Variants in C1orf146 observed in about 807,000 individuals in gnomAD.
The protein encoded by C1orf146 is chromosome 1 open reading frame 146, also known as protein SPO16 homolog.
Under a neutral mutation model 23.0 loss-of-function variants are expected in C1orf146, and 22 were observed. The observed-to-expected ratio is 0.96, with a 90% CI of 0.68 to 1.36. The LOEUF (loss-of-function observed/expected upper bound fraction) is 1.36. C1orf146 is among the 40% of genes most tolerant of loss of function. The pLI, the probability that C1orf146 is intolerant of heterozygous loss-of-function variation, is 0.00. For synonymous variants in C1orf146, 59 were observed against 65.3 expected (o/e 0.90, Z 0.47); for missense variants, 199 against 206.8 (o/e 0.96, Z 0.23).
chr1:92,234,980 T>C (rs1326996387), intron 2 of C1orf146, among the ~76,000 whole-genome samples: 1 of 152,214 alleles, frequency 6.6e-6, no homozygotes, highest in Non-Finnish European at 1.5e-5. Flanking sequence ...TTTTTTATTG[T>C]GTCTATTTGA....
intron 5 of C1orf146, 39 bp downstream of exon 5, chr1:92,244,896 T>C (rs767740379): frequency 4.4e-5 from 50 of 1,136,914 alleles, no homozygotes; most frequent in Non-Finnish European, 5.7e-5. Context: ...CACACATACA[T>C]TTTAAGGTTT....
At chr1:92,222,130 A>G (rs1000344774) in intron 1 of C1orf146, among the ~76,000 whole-genome samples, 2 of 152,140 alleles carry the variant, frequency 1.3e-5, no homozygotes, top group African/African-American at 4.8e-5. Flanking sequence ...GGTCCCAGCT[A>G]CTTGGGAGGC....
At chr1:92,231,943 C>G (rs1652132671) in intron 2 of C1orf146, among the ~76,000 whole-genome samples, 1 of 152,060 alleles carries the variant, frequency 6.6e-6, no homozygotes, top group Non-Finnish European at 1.5e-5. Flanking sequence ...GTTTTAAACT[C>G]CTCAGCTCAC....
chr1:92,241,624 G>C (rs1344622391), intron 2 of C1orf146, among the ~76,000 whole-genome samples: 1 of 152,148 alleles, frequency 6.6e-6, no homozygotes, highest in Non-Finnish European at 1.5e-5. Context: ...AAGTAGCTGG[G>C]ACTACAGGCA....
At chr1:92,223,395 C>T (rs1449909568) in intron 1 of C1orf146, among the ~76,000 whole-genome samples, 1 of 152,022 alleles carries the variant, frequency 6.6e-6, no homozygotes, top group Non-Finnish European at 1.5e-5. Flanking sequence ...TTTGCATTTC[C>T]CTAATAATAA....
At chr1:92,224,011 A>ATTTT (rs1275295349) in intron 1 of C1orf146, among the ~76,000 whole-genome samples, 16 of 138,266 alleles carry the variant, frequency 1.2e-4, no homozygotes, top group East Asian at 4.1e-4. Context: ...TTGTTGTTTT[A>ATTTT]TTTTATTTAT....
At chr1:92,226,399 G>A (rs944412110) in intron 1 of C1orf146, among the ~76,000 whole-genome samples, 2 of 146,218 alleles carry the variant, frequency 1.4e-5, no homozygotes, top group Admixed American at 6.8e-5. Flanking sequence ...ATGCACGCAT[G>A]CACACACACA....
intron 2 of C1orf146, among the ~76,000 whole-genome samples, chr1:92,241,806 C>T (rs1014554199): frequency 1.3e-5 from 2 of 152,078 alleles, no homozygotes; most frequent in Non-Finnish European, 2.9e-5. Flanking sequence ...GGTGTGGTGA[C>T]GTACACCTAT....
intron 1 of C1orf146, among the ~76,000 whole-genome samples, chr1:92,218,351 C>T (rs1651729444): frequency 6.6e-6 from 1 of 152,008 alleles, no homozygotes; most frequent in Admixed American, 6.5e-5. Flanking sequence ...CCGTGAAGAT[C>T]CTTGTAGGCC....
intron 2 of C1orf146, among the ~76,000 whole-genome samples, chr1:92,237,506 G>T (rs1298688724): frequency 2.0e-5 from 3 of 152,220 alleles, no homozygotes; most frequent in Non-Finnish European, 1.5e-5. Context: ...TGAGGTGTCA[G>T]TCTGCCCCTA....
chr1:92,236,279 T>C (rs1255200086), intron 2 of C1orf146, among the ~76,000 whole-genome samples: 4 of 152,154 alleles, frequency 2.6e-5, no homozygotes, highest in Admixed American at 6.5e-5. Flanking sequence ...GTGCTTCCTT[T>C]GGGAGCTCTT....
intron 2 of C1orf146, chr1:92,240,842 A>G (rs1382864259): frequency 1.6e-5 from 7 of 440,816 alleles, no homozygotes; most frequent in Non-Finnish European, 2.8e-5. Context: ...ATTTTAACCT[A>G]TCAGGAAAAA....
intron 1 of C1orf146, among the ~76,000 whole-genome samples, chr1:92,218,780 T>C (rs534338587): frequency 6.6e-6 from 1 of 152,244 alleles, no homozygotes; most frequent in African/African-American, 2.4e-5. Flanking sequence ...TAGAAGCTTT[T>C]TGTTTTCAGG....
chr1:92,240,408 G>A (rs563048283), intron 2 of C1orf146, among the ~76,000 whole-genome samples: 4 of 152,222 alleles, frequency 2.6e-5, no homozygotes, highest in South Asian at 2.1e-4. Flanking sequence ...TTCAGCAGGC[G>A]GGTTGGCCTA....
rs771885506 is a variant in C1orf146 at position 92,245,608 on chromosome 1, G to C, written c.477G>C (p.Glu159Asp). The C allele has an allele frequency of 6.2e-7, 1 of 1,600,560 alleles. No homozygotes were observed. Among genetic ancestry groups the C allele is most frequent in the Admixed American group, 1.8e-5 (1 of 56,524 alleles). The part of the protein sequence containing the change: ...RMITAKAYII[E>D]QSPVWKTLQK... Reference sequence around the variant, plus strand: ...TAACAGCTAAAGCTTACATCATTGAGCAAAGTCCTGTTTGGAAAACACTTC... The same window carrying C: ...TAACAGCTAAAGCTTACATCATTGACCAAAGTCCTGTTTGGAAAACACTTC... Residue 159 changes from glutamate to aspartate, a missense_variant, in exon 6 of 6, where the codon GAG becomes GAC. Coordinates refer to ENST00000370375, the MANE Select transcript of C1orf146 (RefSeq NM_001012425.2).
chr1:92,232,939 C>G (rs949347721), intron 2 of C1orf146, among the ~76,000 whole-genome samples: 2 of 152,148 alleles, frequency 1.3e-5, no homozygotes, highest in Non-Finnish European at 2.9e-5. Flanking sequence ...GTCCTTCACC[C>G]ACTTTTTGAT....
At chr1:92,225,494 C>T (rs1651944629) in intron 1 of C1orf146, among the ~76,000 whole-genome samples, 1 of 152,178 alleles carries the variant, frequency 6.6e-6, no homozygotes, top group South Asian at 2.1e-4. Flanking sequence ...TTTGTTTTCA[C>T]TCATTTCAAA....
intron 2 of C1orf146, 33 bp from the exon 3 acceptor site, chr1:92,242,178 CT>C: frequency 7.8e-7 from 1 of 1,285,280 alleles, no homozygotes; most frequent in Non-Finnish European, 1.1e-6. Context: ...GTAAGCATGC[CT>C]TAAATTTGTA....
intron 3 of C1orf146, among the ~76,000 whole-genome samples, chr1:92,243,889 T>A (rs1652494908): frequency 6.6e-6 from 1 of 152,042 alleles, no homozygotes; most frequent in Non-Finnish European, 1.5e-5. Context: ...ATTAACTTTT[T>A]AAATGTAATT....
Sources: allele counts gnomAD v4.1 joint callset (sites outside exome capture counted in the v4.1 genomes callset), GRCh38; gene constraint gnomAD v4.1.1; transcripts MANE v1.5; gene names NCBI Gene and HGNC (gene_info 2026-07-23, HGNC 2026-07-21).